CHRNE: variants seen among roughly 807,000 people sequenced by gnomAD.
CHRNE encodes cholinergic receptor nicotinic epsilon subunit, also known as acetylcholine receptor subunit epsilon.
Under a neutral mutation model 56.5 loss-of-function variants are expected in CHRNE, and 58 were observed. The ratio of observed to expected loss-of-function variants is 1.03; its 90% CI spans 0.83 to 1.28. The LOEUF (loss-of-function observed/expected upper bound fraction) is 1.28. Ranked by LOEUF, CHRNE falls within the 50% of genes most tolerant of loss-of-function variation. The probability of loss-of-function intolerance (pLI) is 0.00; values close to 1 mark genes in which losing one functional copy is unlikely to be tolerated. For missense variants in CHRNE, 793 were observed against 688.9 expected (o/e 1.15, Z -1.69); for synonymous variants, 385 against 297.9 (o/e 1.29, Z -3.01).
chr17:4,899,325 C>T lies in CHRNE; in HGVS notation c.1092G>A (p.Arg364=). Residue 364 remains arginine, a synonymous_variant, in exon 10 of 12, where the codon CGG becomes CGA. Coordinates refer to ENST00000649488, the MANE Select transcript of CHRNE (RefSeq NM_000080.4). ...LGSPPPPEAP[R]AASPPRRASS... is the part of the protein sequence containing the mutation. ...ACGCCCGCCTTGGGGGCGAGGCGGC[C>T]CGGGGGGCCTCGGGCGGCGGCGGGG... is the stretch of plus-strand genomic sequence containing the variant. 7 of 1,562,900 alleles carry T rather than the reference C, an allele frequency of 4.5e-6. No homozygotes were observed. The highest frequency in any genetic ancestry group is 6.0e-6 in the Non-Finnish European group (7 of 1,161,486).
chr17:4,902,999 C>T lies in CHRNE; in HGVS notation c.46+19G>A. ...AGTATCTGTGTGTGTCCAATTGCCC[C>T]TCTAGCCCCTGTCCGTACCGAGAAG... On this transcript the variant is annotated intron_variant, in intron 1 of 11. Coordinates refer to ENST00000649488, the MANE Select transcript of CHRNE (RefSeq NM_000080.4). This position sits in a 1 kb window ranked among gnomAD's most constrained non-coding sequence, Gnocchi z 4.0. The T allele has an allele frequency of 6.2e-7, 1 of 1,614,090 alleles. No individual in the cohort carries two copies. Among genetic ancestry groups the T allele is most frequent in the Non-Finnish European group, 8.5e-7 (1 of 1,179,998 alleles).
upstream of CHRNE, among the ~76,000 whole-genome samples, chr17:4,903,810 ATACACACACACC>A (rs1256726520): frequency 6.6e-6 from 1 of 152,126 alleles, no homozygotes; most frequent in East Asian, 1.9e-4. Flanking sequence ...ACGTGCACAC[ATACACACACACC>A]TGATGACACC....
At chr17:4,903,181 T>C (rs1318690024), upstream of CHRNE, 1 of 990,432 alleles carries the variant, frequency 1.0e-6, no homozygotes, top group African/African-American at 1.6e-5. Context: ...GACTGTCACC[T>C]AATCCTCTGC....
Position 4,901,131 on chromosome 17 carries a change from C to T in CHRNE, c.661G>A (p.Ala221Thr), listed in dbSNP as rs757240025. ...TCAGTCTCCCCTGGGCCGTCGGTGG[C>T]GCCACCGTGGTGGCGGCGGATCACC... ...PGVIRRHHGGATDGPGETDVI... is the reference protein window; with the variant it reads ...PGVIRRHHGGTTDGPGETDVI... The change falls in exon 7 of 12, where the codon GCC (alanine) becomes ACC (threonine). Residue 221 changes from alanine to threonine, a missense_variant. Coordinates refer to ENST00000649488, the MANE Select transcript of CHRNE (RefSeq NM_000080.4). The T allele has an allele frequency of 5.6e-6, 9 of 1,612,438 alleles. No individual in the cohort carries two copies. The South Asian group carries it at 7.7e-5, about 14-fold the overall frequency.
At chr17:4,904,212 G>T (rs140258635), upstream of CHRNE, among the ~76,000 whole-genome samples, 1 of 147,756 alleles carries the variant, frequency 6.8e-6, no homozygotes, top group Non-Finnish European at 1.5e-5. Flanking sequence ...TGCAGGGGGT[G>T]GGGGGACAGG....
chr17:4,902,299 T>C lies in CHRNE; in HGVS notation c.262A>G (p.Ser88Gly). 1 of 1,614,146 alleles carries C rather than the reference T, an allele frequency of 6.2e-7. No individual in the cohort carries two copies. Among genetic ancestry groups the C allele is most frequent in the Non-Finnish European group, 8.5e-7 (1 of 1,180,002 alleles). ...TCTATACCCCCAAAGTCGTCCTTGCTGTAGTTGAGTCGGTAATCCTGCCAA... is the reference window on the plus strand; with the variant it reads ...TCTATACCCCCAAAGTCGTCCTTGCCGTAGTTGAGTCGGTAATCCTGCCAA... ...IDWQDYRLNY[S>G]KDDFGGIETL... Residue 88 changes from serine to glycine, a missense_variant, in exon 4 of 12, where the codon AGC becomes GGC. Ser to Gly is a moderately conservative substitution (Grantham distance 56). Coordinates refer to ENST00000649488, the MANE Select transcript of CHRNE (RefSeq NM_000080.4). This position sits in a 1 kb window ranked among gnomAD's most constrained non-coding sequence, Gnocchi z 4.0.
Position 4,901,122 on chromosome 17 carries a change from C to T in CHRNE, c.670G>A (p.Gly224Ser), listed in dbSNP as rs531123327. The T allele has an allele frequency of 1.1e-4, 174 of 1,612,778 alleles. No individual in the cohort carries two copies. Among genetic ancestry groups the T allele is most frequent in the Non-Finnish European group, 1.4e-4 (163 of 1,179,928 alleles). ...IRRHHGGATD[G>S]PGETDVIYSL... Reference sequence around the variant, plus strand: ...TAGATGACGTCAGTCTCCCCTGGGCCGTCGGTGGCGCCACCGTGGTGGCGG... The same window carrying T: ...TAGATGACGTCAGTCTCCCCTGGGCTGTCGGTGGCGCCACCGTGGTGGCGG... Residue 224 changes from glycine (G) to serine (S), a missense_variant, in exon 7 of 12, where the codon GGC becomes AGC. Transcript: ENST00000649488.
rs1251532749 is a variant in CHRNE, at chr17:4,898,743, T to TG, written c.1474dup (p.Gln492ProfsTer23). On this transcript the variant is annotated frameshift_variant, in exon 12 of 12. Transcript: ENST00000649488. LOFTEE classifies it high-confidence loss of function. ...AATTGAAGTCGGTGCGAGCTAAGGCTGGATACACGGCGCGTAGGGGAGATC... is the reference window on the plus strand; with the variant it reads ...AATTGAAGTCGGTGCGAGCTAAGGCTGGGATACACGGCGCGTAGGGGAGATC... The TG allele has an allele frequency of 1.2e-6, 2 of 1,611,042 alleles. No homozygotes were observed. The highest frequency in any genetic ancestry group is 4.5e-5 in the East Asian group (2 of 44,788).
chr17:4,907,949 G>A (rs1970112262), upstream of CHRNE, among the ~76,000 whole-genome samples: 1 of 152,146 alleles, frequency 6.6e-6, no homozygotes, highest in African/African-American at 2.4e-5. Context: ...GGCCGAGGCG[G>A]GCGGATCACG....
upstream of CHRNE, chr17:4,903,101 C>T (rs994375001): frequency 1.2e-6 from 2 of 1,612,988 alleles, no homozygotes; most frequent in Non-Finnish European, 1.7e-6. Flanking sequence ...TGAGCTCTGG[C>T]AGGCTTGGAG....
Position 4,897,821 on chromosome 17 carries a change from G to A in CHRNE, c.*915C>T, listed in dbSNP as rs947315074. ...CCCTTCCCCCAAACTCCAGGGAATG[G>A]AGGGGGGACCCCGCCAGCCAAAACA... On this transcript the variant is annotated 3_prime_UTR_variant, in exon 12 of 12. Coordinates refer to ENST00000649488, the MANE Select transcript of CHRNE (RefSeq NM_000080.4). 1 of 152,516 alleles carries A rather than the reference G, an allele frequency of 6.6e-6. No homozygotes were observed. The highest frequency in any genetic ancestry group is 1.5e-5 in the Non-Finnish European group (1 of 68,224). 9.4% of individuals were successfully genotyped at this position (152,516 alleles called of 1,614,324 possible).
chr17:4,904,618 G>A (rs559110483), upstream of CHRNE, among the ~76,000 whole-genome samples: 2 of 152,280 alleles, frequency 1.3e-5, no homozygotes, highest in East Asian at 3.9e-4. Flanking sequence ...ACATGAAAGG[G>A]GATGCTAAGG....
chr17:4,904,474 T>C (rs1970064757), upstream of CHRNE, among the ~76,000 whole-genome samples: 1 of 152,134 alleles, frequency 6.6e-6, no homozygotes, highest in Non-Finnish European at 1.5e-5. Context: ...GGGACTAGGG[T>C]GCCAGGAATC....
intron 8 of CHRNE, chr17:4,900,208 C>G (rs1272271645): frequency 1.3e-6 from 2 of 1,543,038 alleles, no homozygotes; most frequent in African/African-American, 2.7e-5. Context: ...ACCTCTGCCT[C>G]CCCGCTAACC....
chr17:4,899,595 G>A lies in CHRNE; in HGVS notation c.918-13C>T. On this transcript the variant is annotated splice_polypyrimidine_tract_variant and intron_variant, in intron 8 of 11. Transcript: ENST00000649488. Reference sequence around the variant, plus strand: ...GAAAATAAGGAACCTGAGGAGCCCGGAAGGCATGACATCACCGTTCCTCCT... The same window carrying A: ...GAAAATAAGGAACCTGAGGAGCCCGAAAGGCATGACATCACCGTTCCTCCT... 1.3e-6 allele frequency: 2 copies of A among 1,553,286 alleles called. No homozygotes were observed. The highest frequency in any genetic ancestry group is 1.7e-6 in the Non-Finnish European group (2 of 1,143,678).
In CHRNE at chr17:4,901,993, C is replaced by G; in HGVS notation, c.439G>C (p.Val147Leu). 1 of 1,614,064 alleles carries G rather than the reference C, an allele frequency of 6.2e-7. No homozygotes were observed. Among genetic ancestry groups the G allele is most frequent in the African/African-American group, 1.3e-5 (1 of 75,058 alleles). Residue 147 changes from valine to leucine, a missense_variant, in exon 5 of 12, where the codon GTC becomes CTC. Transcript: ENST00000649488. ...TWLPPAIYRS[V>L]CAVEVTYFPF... is the part of the protein sequence containing the mutation. ...AAGTAGGTGACCTCCACTGCGCAGA[C>G]GCTGCGGTAGATGGCCGGAGGCAGC...
chr17:4,901,583 G>A lies in CHRNE; in HGVS notation c.543C>T (p.Ala181=). The part of the protein sequence containing the change: ...YNAEEVEFTF[A]VDNDGKTINK... The stretch of plus-strand genomic sequence containing the variant: ...TGATGGTCTTGCCGTCGTTGTCTAC[G>A]GCAAAAGTGAACTCCACCTCTTCGG... The change falls in exon 6 of 12, where the codon GCC becomes GCT. Residue 181 remains alanine, a synonymous_variant. Coordinates refer to ENST00000649488, the MANE Select transcript of CHRNE (RefSeq NM_000080.4). 1 of 1,614,136 alleles carries A rather than the reference G, an allele frequency of 6.2e-7. No individual in the cohort carries two copies. Among genetic ancestry groups the A allele is most frequent in the Non-Finnish European group, 8.5e-7 (1 of 1,180,006 alleles).
At chr17:4,900,374 T>A in intron 8 of CHRNE, 1 of 1,549,566 alleles carries the variant, frequency 6.5e-7, no homozygotes, top group Admixed American at 2.0e-5. Context: ...AAGCTGGGGC[T>A]GCGGTGGGCG....
upstream of CHRNE, among the ~76,000 whole-genome samples, chr17:4,903,976 A>G (rs2661696): frequency 1 from 152,016 of 152,270 alleles, 75,881 homozygotes; most frequent in Middle Eastern, 1. Context: ...TCCTGCCTCA[A>G]CCTCTGGAGT....
Sources: allele counts gnomAD v4.1 joint callset (sites outside exome capture counted in the v4.1 genomes callset), GRCh38; gene constraint gnomAD v4.1.1; non-coding constraint Gnocchi (gnomAD v3.1); transcripts MANE v1.5; gene names NCBI Gene and HGNC (gene_info 2026-07-23, HGNC 2026-07-21).